CCDC175: variants seen among roughly 807,000 people sequenced by gnomAD.
CCDC175 encodes the protein coiled-coil domain containing 175.
In CCDC175, 100 loss-of-function variants were observed where a neutral mutation model predicts 114.6. That is an observed-to-expected ratio of 0.87 (90% CI 0.74 to 1.03). The LOEUF (loss-of-function observed/expected upper bound fraction) is 1.03. CCDC175 is among the 50% of genes least tolerant of loss of function. The pLI, the probability that CCDC175 is intolerant of heterozygous loss-of-function variation, is 0.00. For missense variants in CCDC175, 880 were observed against 917.8 expected (o/e 0.96, Z 0.53); for synonymous variants, 306 against 308.7 (o/e 0.99, Z 0.09).
At position 59,551,362 on chromosome 14, in the gene CCDC175, A is replaced by C; in HGVS notation, c.1028T>G (p.Ile343Arg). ...TGACTTCTGCCTTCTTACCTGTTTT[A>C]TCTTGTTCAGGAATTCATTTTTTTC... ...NDEKNEFLNK[I>R]KQLVETLHAA... Residue 343 changes from isoleucine to arginine, a missense_variant, in exon 8 of 20, where the codon ATA (isoleucine) becomes AGA (arginine). By Grantham distance (97) the Ile-to-Arg change is moderately conservative (BLOSUM62 -3). Transcript: ENST00000537690. 7.2e-7 allele frequency: 1 copy of C among 1,390,070 alleles called. No homozygotes were observed. Among genetic ancestry groups the C allele is most frequent in the Non-Finnish European group, 9.6e-7 (1 of 1,039,232 alleles). The allele number at this position is 1,390,070 out of a possible 1,614,324, so 86.1% of individuals were successfully genotyped here.
intron 7 of CCDC175, among the ~76,000 whole-genome samples, chr14:59,557,575 C>T (rs1017973920): frequency 1.3e-5 from 2 of 150,718 alleles, no homozygotes; most frequent in Admixed American, 6.6e-5. Flanking sequence ...TGTAACAAAC[C>T]TGCATGTTGT....
At chr14:59,573,353 T>C (rs1163367738) in intron 2 of CCDC175, among the ~76,000 whole-genome samples, 2 of 152,100 alleles carry the variant, frequency 1.3e-5, no homozygotes, top group Admixed American at 6.6e-5. Flanking sequence ...CTATAGCTAT[T>C]TTATGACCTG....
intron 2 of CCDC175, among the ~76,000 whole-genome samples, chr14:59,574,680 C>A (rs1897013598): frequency 6.6e-6 from 1 of 152,222 alleles, no homozygotes; most frequent in Non-Finnish European, 1.5e-5. Flanking sequence ...TTATCACCCA[C>A]ATTGCTTTCT....
rs1226946384 is a variant in CCDC175, at chr14:59,545,272, T to C, written c.1063A>G (p.Met355Val). The C allele has an allele frequency of 2.0e-6, 3 of 1,536,870 alleles. No homozygotes were observed. Among genetic ancestry groups the C allele is most frequent in the Non-Finnish European group, 2.6e-6 (3 of 1,146,754 alleles). ...TTCTCTCGTAGGTCTTTGTATTCCA[T>C]ACGAGCAGCATGCAGTGTTTCAACC... ...QLVETLHAAR[M>V]EYKDLREKMK... is the part of the protein sequence containing the mutation. Residue 355 changes from methionine (M) to valine (V), a missense_variant, in exon 9 of 20, where the codon ATG (methionine) becomes GTG (valine). By Grantham distance (21) the Met-to-Val change is conservative (BLOSUM62 1). Coordinates refer to ENST00000537690, the MANE Select transcript of CCDC175 (RefSeq NM_001164399.2).
At chr14:59,526,105 T>G (rs1463775219) in intron 15 of CCDC175, among the ~76,000 whole-genome samples, 1 of 152,188 alleles carries the variant, frequency 6.6e-6, no homozygotes, top group African/African-American at 2.4e-5. Flanking sequence ...GATTATGAAT[T>G]TTTTCAGAAT....
At chr14:59,513,509 A>C (rs374044699) in intron 17 of CCDC175, among the ~76,000 whole-genome samples, 17 of 152,214 alleles carry the variant, frequency 1.1e-4, no homozygotes, top group African/African-American at 4.1e-4. Flanking sequence ...ACGGCACAGC[A>C]AGAGATTATA....
At chr14:59,566,018 T>A (rs1896518114) in intron 4 of CCDC175, among the ~76,000 whole-genome samples, 1 of 152,182 alleles carries the variant, frequency 6.6e-6, no homozygotes, top group Non-Finnish European at 1.5e-5. Context: ...CCACCCTGGA[T>A]GCTATAGCCC....
At chr14:59,518,564 A>C (rs1201798841) in intron 17 of CCDC175, among the ~76,000 whole-genome samples, 1 of 152,270 alleles carries the variant, frequency 6.6e-6, no homozygotes, top group Non-Finnish European at 1.5e-5. Context: ...GACACATGAA[A>C]AAATGCTCAT....
In CCDC175 at chr14:59,521,611, G is replaced by A; in HGVS notation, c.2061C>T (p.Thr687=). 2 of 1,535,256 alleles carry A rather than the reference G, an allele frequency of 1.3e-6. No homozygotes were observed. The highest frequency in any genetic ancestry group is 1.7e-4 in the Middle Eastern group (1 of 5,992). Reference sequence around the variant, plus strand: ...TTAGTTGCCGAGACAAGTCGCTTGAGGTGTGCATGAGGGCTTCTTGTCCTT... The same window carrying A: ...TTAGTTGCCGAGACAAGTCGCTTGAAGTGTGCATGAGGGCTTCTTGTCCTT... ...YREGQEALMH[T]SSDLSRQLIA... Residue 687 remains threonine (T), a synonymous_variant, in exon 17 of 20, where the codon ACC becomes ACT. Coordinates refer to ENST00000537690, the MANE Select transcript of CCDC175 (RefSeq NM_001164399.2).
At position 59,531,826 on chromosome 14, in the gene CCDC175, G is replaced by T. The variant is rs1566607351; in HGVS notation, c.1708C>A (p.Gln570Lys). 10 of 1,491,322 alleles carry T rather than the reference G, an allele frequency of 6.7e-6. No homozygotes were observed. The highest frequency in any genetic ancestry group is 2.0e-5 in the Admixed American group (1 of 49,688). 92.4% of individuals were successfully genotyped at this position (1,491,322 alleles called of 1,614,324 possible). Residue 570 changes from glutamine to lysine, a missense_variant, in exon 14 of 20, where the codon CAA (glutamine) becomes AAA (lysine). By Grantham distance (53) the Gln-to-Lys change is moderately conservative (BLOSUM62 1). Transcript: ENST00000537690. ...TTTCTTCTTTTCTCTTTATACTCTT[G>T]TTCTGCCACCTGAAGTTGTGGAAGA... ...EYLPQLQVAE[Q>K]EYKEKRRKLE... is the part of the protein sequence containing the mutation.
intron 7 of CCDC175, among the ~76,000 whole-genome samples, chr14:59,553,693 C>A (rs565527166): frequency 6.6e-6 from 1 of 152,194 alleles, no homozygotes; most frequent in South Asian, 2.1e-4. Context: ...AGTCAAGACC[C>A]ATCAGTGTGC....
intron 7 of CCDC175, among the ~76,000 whole-genome samples, chr14:59,553,508 A>G (rs1007335596): frequency 5.3e-5 from 8 of 152,228 alleles, no homozygotes; most frequent in African/African-American, 1.4e-4. Flanking sequence ...CACTGCAAAA[A>G]CATGCCAAAT....
chr14:59,510,662 T>A lies in CCDC175; in HGVS notation c.2289A>T (p.Ser763=). Residue 763 remains serine (S), a synonymous_variant, in exon 19 of 20, where the codon TCA becomes TCT. Coordinates refer to ENST00000537690, the MANE Select transcript of CCDC175 (RefSeq NM_001164399.2). The part of the protein sequence containing the change: ...EGLRLLVEQE[S]PMDLLKKKKH... ...GTTGCTTACTAAGAAGGTCCATTGG[T>A]GATTCCTGTTCCACAAGCAAACGCA... The A allele has an allele frequency of 2.0e-6, 3 of 1,537,182 alleles. No homozygotes were observed. Among genetic ancestry groups the A allele is most frequent in the Middle Eastern group, 3.3e-4 (2 of 5,992 alleles).
chr14:59,551,171 T>C, intron 8 of CCDC175, 184 bp downstream of exon 8: 1 of 425,558 alleles, frequency 2.3e-6, no homozygotes, highest in Non-Finnish European at 4.1e-6. Flanking sequence ...GGACAACCTT[T>C]GCTCTTTGAT....
chr14:59,561,475 A>T (rs1896225153), intron 6 of CCDC175, among the ~76,000 whole-genome samples: 1 of 152,208 alleles, frequency 6.6e-6, no homozygotes, highest in Admixed American at 6.5e-5. Context: ...TGAGAATGTG[A>T]AAACTGTTTT....
In CCDC175 at chr14:59,505,425, A is replaced by G; in HGVS notation, c.2306-110T>C. The G allele has an allele frequency of 6.2e-6, 3 of 485,586 alleles. 1 individual carries two copies. Among genetic ancestry groups the G allele is most frequent in the Non-Finnish European group, 1.0e-5 (3 of 295,018 alleles). The allele number at this position is 485,586 out of a possible 1,614,324, so 30.1% of individuals were successfully genotyped here. A position where few individuals can be genotyped will look rare whatever the true frequency, so the allele number is the denominator to read the frequency against. On this transcript the variant is annotated intron_variant, in intron 19 of 19. Coordinates refer to ENST00000537690, the MANE Select transcript of CCDC175 (RefSeq NM_001164399.2). ...TGCCCAAAGAATCCTCAATTGAGTAATTGTATAATCGGGGTAGAGTAGGGA... is the reference window on the plus strand; with the variant it reads ...TGCCCAAAGAATCCTCAATTGAGTAGTTGTATAATCGGGGTAGAGTAGGGA...
At chr14:59,554,686 T>C (rs1295691062) in intron 7 of CCDC175, among the ~76,000 whole-genome samples, 1 of 152,042 alleles carries the variant, frequency 6.6e-6, no homozygotes, top group South Asian at 2.1e-4. Context: ...AGCTGGTTTT[T>C]TGAAAAGATC....
In CCDC175 at chr14:59,545,202, T is replaced by C; in HGVS notation, c.1133A>G (p.Glu378Gly). The C allele has an allele frequency of 6.5e-7, 1 of 1,537,044 alleles. No homozygotes were observed. Residue 378 changes from glutamate (E) to glycine (G), a missense_variant, in exon 9 of 20, where the codon GAA becomes GGA. Coordinates refer to ENST00000537690, the MANE Select transcript of CCDC175 (RefSeq NM_001164399.2). ...ARQYKIVLSE[E>G]EKAFLQKQKI... ...TTGTTTTTGCAAAAAAGCTTTTTCT[T>C]CCTCACTTAAAACAATCTTATATTG... is the stretch of plus-strand genomic sequence containing the variant.
chr14:59,533,829 A>C (rs1894222218), intron 13 of CCDC175, among the ~76,000 whole-genome samples: 1 of 152,010 alleles, frequency 6.6e-6, no homozygotes, highest in Admixed American at 6.5e-5. Flanking sequence ...TCTACTAAAA[A>C]TACAAAAAAA....
Sources: gnomAD v4.1 joint callset for allele counts (sites outside exome capture counted in the v4.1 genomes callset) on GRCh38, gnomAD v4.1.1 for gene constraint, MANE v1.5 for transcripts, NCBI Gene and HGNC (gene_info 2026-07-23, HGNC 2026-07-21) for gene names.